Variants in ZNF471 observed in about 807,000 individuals in gnomAD.
ZNF471 encodes zinc finger protein 471, also known as EZFIT-related protein 1.
ZNF471 carries 7 observed loss-of-function variants against 13.7 expected under a neutral mutation model. The ratio of observed to expected loss-of-function variants is 0.51; its 90% CI spans 0.29 to 0.96. ZNF471 has a LOEUF of 0.96. Ranked by LOEUF, ZNF471 falls within the 40% of genes least tolerant of loss-of-function variation. ZNF471 has a pLI of 0.08. For synonymous variants in ZNF471, 218 were observed against 235.6 expected (o/e 0.93, Z 0.68); for missense variants, 663 against 743.3 (o/e 0.89, Z 1.26).
At chr19:56,521,756 C>T (rs10413931) in intron 4 of ZNF471, among the ~76,000 whole-genome samples, 4 of 150,960 alleles carry the variant, frequency 2.6e-5, no homozygotes, top group African/African-American at 7.3e-5. Flanking sequence ...CCAGACCAGC[C>T]TGGGCAACAG....
In ZNF471 at chr19:56,527,556, T is replaced by TG. The variant is rs1169935756; in HGVS notation, c.*1609dup. ...GCTAAAGGAGCATGTTCTAACCCAA[T>TG]GCAAGGAAGCTAAGAACCTTGAAAA... On this transcript the variant is annotated 3_prime_UTR_variant, in exon 5 of 5. Coordinates refer to ENST00000308031, the MANE Select transcript of ZNF471 (RefSeq NM_020813.4). The TG allele has an allele frequency of 3.3e-5, 5 of 152,114 alleles. No homozygotes were observed. The highest frequency in any genetic ancestry group is 1.2e-4 in the African/African-American group (5 of 41,422). 9.4% of individuals were successfully genotyped at this position (152,114 alleles called of 1,614,324 possible).
chr19:56,517,144 CTT>C (rs145588906), intron 3 of ZNF471, among the ~76,000 whole-genome samples: 49 of 126,084 alleles, frequency 3.9e-4, no homozygotes, highest in Middle Eastern at 4.4e-3. Context: ...CTCTCGCTCT[CTT>C]TTTTTTTTTT....
Position 56,510,195 on chromosome 19 carries a change from A to G in ZNF471, c.-55-1322A>G, listed in dbSNP as rs2043791913. 2 of 985,490 alleles carry G rather than the reference A, an allele frequency of 2.0e-6. No homozygotes were observed. The highest frequency in any genetic ancestry group is 3.5e-5 in the African/African-American group (2 of 57,336). 61.0% of individuals were successfully genotyped at this position (985,490 alleles called of 1,614,324 possible). On this transcript the variant is annotated intron_variant, in intron 1 of 4. Transcript: ENST00000308031. This position sits in a 1 kb window ranked among gnomAD's most constrained non-coding sequence, Gnocchi z 4.3. ...GTGTGCATGAGATAAAGCAGTTGGA[A>G]TATGAGAGATCAGAGTGTGTTTGTG...
At chr19:56,517,184 C>T (rs1661974859) in intron 3 of ZNF471, among the ~76,000 whole-genome samples, 1 of 149,180 alleles carries the variant, frequency 6.7e-6, no homozygotes. Flanking sequence ...CTCTGTTGCC[C>T]AGGCTGGAGG....
rs1177564491 is a variant in ZNF471, at chr19:56,525,818, C to T, written c.1751C>T (p.Ser584Leu). The part of the protein sequence containing the change: ...TECGKAFSDS[S>L]SCAQHQRLHT... The stretch of plus-strand genomic sequence containing the variant: ...TGTGGAAAGGCTTTTAGTGATAGCT[C>T]ATCCTGTGCTCAGCATCAAAGACTC... The change falls in exon 5 of 5, where the codon TCA (serine) becomes TTA (leucine). Residue 584 changes from serine (S) to leucine (L), a missense_variant. Coordinates refer to ENST00000308031, the MANE Select transcript of ZNF471 (RefSeq NM_020813.4). 9 of 1,614,194 alleles carry T rather than the reference C, an allele frequency of 5.6e-6. No individual in the cohort carries two copies. The highest frequency in any genetic ancestry group is 7.6e-6 in the Non-Finnish European group (9 of 1,180,024).
intron 1 of ZNF471, chr19:56,509,714 GGTGTGTGTGTGTGTGTGT>G (rs34707423): frequency 2.4e-4 from 42 of 178,422 alleles, no homozygotes; most frequent in African/African-American, 9.5e-4. Context: ...TTGCTTGCCT[GGTGTGTGTGTGTGTGTGT>G]GTGTGTGTGT....
chr19:56,515,862 C>G (rs1310797213), intron 2 of ZNF471, among the ~76,000 whole-genome samples: 1 of 152,162 alleles, frequency 6.6e-6, no homozygotes, highest in African/African-American at 2.4e-5. Flanking sequence ...AAATTGCATT[C>G]TTAAACATGT....
At position 56,516,458 on chromosome 19, in the gene ZNF471, A is replaced by T; in HGVS notation, c.160+57A>T. On this transcript the variant is annotated intron_variant, in intron 3 of 4. Coordinates refer to ENST00000308031, the MANE Select transcript of ZNF471 (RefSeq NM_020813.4). The surrounding 1 kb of genome is among the most constrained non-coding windows in gnomAD (Gnocchi z 4.4). ...CTTTAAGGAACTTTTTTGTCTATAT[A>T]TTATTAAATTTGCTTTTATTATATG... 1 of 1,506,936 alleles carries T rather than the reference A, an allele frequency of 6.6e-7. No individual in the cohort carries two copies. Among genetic ancestry groups the T allele is most frequent in the Non-Finnish European group, 8.9e-7 (1 of 1,121,270 alleles). The allele number at this position is 1,506,936 out of a possible 1,614,324, so 93.3% of individuals were successfully genotyped here.
At chr19:56,514,968 A>G (rs143719433) in intron 2 of ZNF471, among the ~76,000 whole-genome samples, 59 of 152,342 alleles carry the variant, frequency 3.9e-4, no homozygotes, top group African/African-American at 1.3e-3. Flanking sequence ...AAATTTCATA[A>G]ATTATCTGAT....
In ZNF471 at chr19:56,525,661, CA is replaced by C. The variant is rs1432115235; in HGVS notation, c.1596del (p.Gln532HisfsTer83). The C allele has an allele frequency of 6.2e-7, 1 of 1,613,936 alleles. No individual in the cohort carries two copies. Among genetic ancestry groups the C allele is most frequent in the Non-Finnish European group, 8.5e-7 (1 of 1,179,972 alleles). On this transcript the variant is annotated frameshift_variant, in exon 5 of 5. Transcript: ENST00000308031. LOFTEE classifies it low-confidence loss of function (END_TRUNC). ...TTTCAAACAGAGATCACACCTTGCC[CA>C]ACATCAGAAAACTCATACAGGAGAG... Reference protein sequence around the residue: ...NAFKQRSHLAQHQKTHTGEKP... With the variant: ...NAFKQRSHLAXHQKTHTGEKP...
At position 56,510,574 on chromosome 19, in the gene ZNF471, A is replaced by G. The variant is rs2043796349; in HGVS notation, c.-55-943A>G. 3 of 985,658 alleles carry G rather than the reference A, an allele frequency of 3.0e-6. No individual in the cohort carries two copies. In the African/African-American group the frequency reaches 5.2e-5, roughly 17 times the overall value. The allele number at this position is 985,658 out of a possible 1,614,324, so 61.1% of individuals were successfully genotyped here. A position where few individuals can be genotyped will look rare whatever the true frequency, so the allele number is the denominator to read the frequency against. ...TTATATTCATGTCCTCAGGCAATGG[A>G]AATGTGACTGTGTATATGTGCTTGT... On this transcript the variant is annotated intron_variant, in intron 1 of 4. Transcript: ENST00000308031. The surrounding 1 kb of genome is among the most constrained non-coding windows in gnomAD (Gnocchi z 4.3).
Position 56,516,428 on chromosome 19 carries a change from T to C in ZNF471, c.160+27T>C. 1 of 1,589,466 alleles carries C rather than the reference T, an allele frequency of 6.3e-7. No homozygotes were observed. Among genetic ancestry groups the C allele is most frequent in the Non-Finnish European group, 8.5e-7 (1 of 1,170,754 alleles). On this transcript the variant is annotated intron_variant, in intron 3 of 4. Transcript: ENST00000308031. This position sits in a 1 kb window ranked among gnomAD's most constrained non-coding sequence, Gnocchi z 4.4. ...TGAGGATCTTTTCCCTCCTGCATAA[T>C]CTACCTTTAAGGAACTTTTTTGTCT...
chr19:56,518,477 TG>T lies in ZNF471; in HGVS notation c.161-4del. 6.2e-7 allele frequency: 1 copy of T among 1,610,822 alleles called. No individual in the cohort carries two copies. The highest frequency in any genetic ancestry group is 1.3e-5 in the African/African-American group (1 of 74,940). ...CCAATTTTCATGTCTTTTTTTTATATGTAGGTCTTTGCATTTCTAAGCCATA... is the reference window on the plus strand; with the variant it reads ...CCAATTTTCATGTCTTTTTTTTATATTAGGTCTTTGCATTTCTAAGCCATA... On this transcript the variant is annotated splice_polypyrimidine_tract_variant and splice_region_variant and intron_variant, in intron 3 of 4. Transcript: ENST00000308031.
chr19:56,519,564 C>T (rs1004850201), intron 4 of ZNF471, among the ~76,000 whole-genome samples: 1 of 152,188 alleles, frequency 6.6e-6, no homozygotes, highest in Non-Finnish European at 1.5e-5. Flanking sequence ...TTCTGCCTCT[C>T]CCACTGAAAT....
intron 4 of ZNF471, among the ~76,000 whole-genome samples, chr19:56,520,845 A>G (rs2043960604): frequency 6.6e-6 from 1 of 152,216 alleles, no homozygotes; most frequent in Non-Finnish European, 1.5e-5. Context: ...CTGTTTAGTT[A>G]TAAGTGTTGT....
chr19:56,523,691 A>G (rs984781092), intron 4 of ZNF471, among the ~76,000 whole-genome samples: 1 of 152,236 alleles, frequency 6.6e-6, no homozygotes, highest in African/African-American at 2.4e-5. Flanking sequence ...ATGAAAACCA[A>G]TTACAAGTGG....
At chr19:56,514,399 T>C (rs146684128) in intron 2 of ZNF471, among the ~76,000 whole-genome samples, 2 of 152,280 alleles carry the variant, frequency 1.3e-5, no homozygotes, top group African/African-American at 4.8e-5. Context: ...TTTTATCTAA[T>C]GTTTTTTTTC....
At chr19:56,511,444 C>G in intron 1 of ZNF471, 73 bp from the exon 2 acceptor site, 1 of 1,164,142 alleles carries the variant, frequency 8.6e-7, no homozygotes, top group Non-Finnish European at 1.2e-6. Context: ...AAGAAGAAGA[C>G]AGTTTTAGGC....
Position 56,511,553 on chromosome 19 carries a change from A to AC in ZNF471, c.-17dup, listed in dbSNP as rs745390986. The AC allele has an allele frequency of 2.5e-6, 4 of 1,614,008 alleles. No individual in the cohort carries two copies. The East Asian group carries it at 6.7e-5, about 27-fold the overall frequency. On this transcript the variant is annotated 5_prime_UTR_variant, in exon 2 of 5. Coordinates refer to ENST00000308031, the MANE Select transcript of ZNF471 (RefSeq NM_020813.4). ...CAAGACACTGTTCTTCAAGAGAAAG[A>AC]CCAGAAGAGAAGGCAAAAATGAATG... is the stretch of plus-strand genomic sequence containing the variant.
Sources: allele counts gnomAD v4.1 joint callset (sites outside exome capture counted in the v4.1 genomes callset), GRCh38; gene constraint gnomAD v4.1.1; non-coding constraint Gnocchi (gnomAD v3.1); transcripts MANE v1.5; gene names NCBI Gene and HGNC (gene_info 2026-07-23, HGNC 2026-07-21).